Variants in ADAM12 observed in about 807,000 individuals in gnomAD.
ADAM12 encodes ADAM metallopeptidase domain 12, also known as disintegrin and metalloproteinase domain-containing protein 12.
ADAM12 carries 70 observed loss-of-function variants against 106.4 expected under a neutral mutation model. That is an observed-to-expected ratio of 0.66 (90% CI 0.54 to 0.80). The LOEUF is 0.80. Among genes scored for constraint, ADAM12 ranks in the 30% least tolerant of loss-of-function variants. The probability of loss-of-function intolerance (pLI) is 0.00; values close to 1 mark genes in which losing one functional copy is unlikely to be tolerated. For missense variants in ADAM12, 1,010 were observed against 1,171.9 expected, an observed-to-expected ratio of 0.86 and a Z score of 2.02; for synonymous variants, 420 against 433.5, an observed-to-expected ratio of 0.97 and a Z score of 0.39.
At chr10:126,085,858 G>C (rs899526728) in intron 11 of ADAM12, among the ~76,000 whole-genome samples, 2 of 152,194 alleles carry the variant, frequency 1.3e-5, no homozygotes, top group Non-Finnish European at 2.9e-5. Context: ...TGGGGATTCA[G>C]CAATAAACAA....
intron 2 of ADAM12, among the ~76,000 whole-genome samples, chr10:126,285,843 GC>G (rs1236018105): frequency 6.6e-6 from 1 of 152,134 alleles, no homozygotes; most frequent in Non-Finnish European, 1.5e-5. Context: ...CACCTCTAGG[GC>G]CCCCAGGTGC....
At chr10:126,051,434 C>T (rs918547754) in intron 14 of ADAM12, among the ~76,000 whole-genome samples, 1 of 151,942 alleles carries the variant, frequency 6.6e-6, no homozygotes, top group Non-Finnish European at 1.5e-5. Context: ...TCCATCCACT[C>T]GTCCATCCAG....
chr10:126,032,989 A>ACTAAAATTACATTAAAATATTTTT (rs1953996433), intron 21 of ADAM12, among the ~76,000 whole-genome samples: 1 of 152,184 alleles, frequency 6.6e-6, no homozygotes, highest in Admixed American at 6.5e-5. Context: ...AAAAATCATA[A>ACTAAAATTACATTAAAATATTTTT]CTAAAATTAC....
intron 5 of ADAM12, among the ~76,000 whole-genome samples, chr10:126,129,299 A>G (rs1956263324): frequency 6.6e-6 from 1 of 152,254 alleles, no homozygotes; most frequent in Non-Finnish European, 1.5e-5. Flanking sequence ...TTTTCCCTCC[A>G]GGAGCTCATG....
intron 1 of ADAM12, among the ~76,000 whole-genome samples, chr10:126,364,581 T>C (rs1346667774): frequency 1.3e-5 from 2 of 151,938 alleles, no homozygotes; most frequent in African/African-American, 4.8e-5. Flanking sequence ...ACTAGAAAAA[T>C]AACACCTAAA....
intron 11 of ADAM12, among the ~76,000 whole-genome samples, 169 bp downstream of exon 11, chr10:126,093,816 G>A (rs916900198): frequency 6.6e-6 from 1 of 152,218 alleles, no homozygotes; most frequent in African/African-American, 2.4e-5. Context: ...GCTGCCCATG[G>A]CTCTCCAGAG....
chr10:126,326,635 T>G (rs1434803956), intron 2 of ADAM12, among the ~76,000 whole-genome samples: 1 of 152,136 alleles, frequency 6.6e-6, no homozygotes, highest in Non-Finnish European at 1.5e-5. Context: ...GGCCCTACAC[T>G]GCAGTCTGGG....
rs1383308745 is a variant in ADAM12, at chr10:126,015,307, A to T, written c.*1972T>A. 6.6e-6 allele frequency: 1 copy of T among 152,256 alleles called. No individual in the cohort carries two copies. The highest frequency in any genetic ancestry group is 2.4e-5 in the African/African-American group (1 of 41,468). The allele number at this position is 152,256 out of a possible 1,614,324, so 9.4% of individuals were successfully genotyped here. On this transcript the variant is annotated 3_prime_UTR_variant, in exon 23 of 23. Transcript: ENST00000448723. ...TCTTATAATTGGAGGAAGGGCTAAC[A>T]TGCCAGATCTAAGGATTTGGGCATC... is the stretch of plus-strand genomic sequence containing the variant.
At chr10:126,320,382 T>A (rs1268286008) in intron 2 of ADAM12, among the ~76,000 whole-genome samples, 1 of 152,202 alleles carries the variant, frequency 6.6e-6, no homozygotes, top group Non-Finnish European at 1.5e-5. Flanking sequence ...TAGTCAAGCG[T>A]TGTTTTAATA....
rs1023945290 is a variant in ADAM12 at position 126,014,252 on chromosome 10, C to T, written c.*3027G>A. ...CCCTGCCAGTCGGCCCAGCACCAGG[C>T]TCTTTTTAGCACCGTGGAGACCATA... On this transcript the variant is annotated 3_prime_UTR_variant, in exon 23 of 23. Coordinates refer to ENST00000448723, the MANE Select transcript of ADAM12 (RefSeq NM_001288973.2). 6.8e-6 allele frequency: 1 copy of T among 146,186 alleles called. No individual in the cohort carries two copies. Among genetic ancestry groups the T allele is most frequent in the African/African-American group, 2.5e-5 (1 of 39,812 alleles). The allele number at this position is 146,186 out of a possible 1,614,324, so 9.1% of individuals were successfully genotyped here. A position where few individuals can be genotyped will look rare whatever the true frequency, so the allele number is the denominator to read the frequency against.
At chr10:126,305,401 T>C (rs1041915309) in intron 2 of ADAM12, among the ~76,000 whole-genome samples, 13 of 152,170 alleles carry the variant, frequency 8.5e-5, no homozygotes, top group Admixed American at 8.5e-4. Flanking sequence ...TATGAGTTTC[T>C]AGAAGAGAGA....
intron 4 of ADAM12, among the ~76,000 whole-genome samples, chr10:126,138,384 A>T (rs989105501): frequency 2.0e-5 from 3 of 151,112 alleles, no homozygotes; most frequent in Non-Finnish European, 4.4e-5. Flanking sequence ...TTATTTATTT[A>T]TTTTTTTTGA....
chr10:126,177,972 T>A (rs1425494246), intron 3 of ADAM12, among the ~76,000 whole-genome samples: 1 of 152,214 alleles, frequency 6.6e-6, no homozygotes, highest in Non-Finnish European at 1.5e-5. Context: ...TCATTTAACT[T>A]AGTTTATTAA....
intron 3 of ADAM12, among the ~76,000 whole-genome samples, chr10:126,192,062 C>T (rs1246431232): frequency 2.6e-5 from 4 of 152,162 alleles, no homozygotes; most frequent in Non-Finnish European, 5.9e-5. Flanking sequence ...AGTCTGCCCC[C>T]GGCCCCATCC....
At chr10:126,322,000 G>T (rs1246914225) in intron 2 of ADAM12, among the ~76,000 whole-genome samples, 1 of 151,936 alleles carries the variant, frequency 6.6e-6, no homozygotes, top group Non-Finnish European at 1.5e-5. Flanking sequence ...GGAATATCTA[G>T]TCTAGGGGTT....
chr10:126,274,214 T>C (rs1959198249), intron 3 of ADAM12, among the ~76,000 whole-genome samples: 1 of 152,128 alleles, frequency 6.6e-6, no homozygotes, highest in African/African-American at 2.4e-5. Flanking sequence ...GAAAGAAGCA[T>C]CCAATGGTGG....
At chr10:126,238,859 C>A (rs1958469364) in intron 3 of ADAM12, among the ~76,000 whole-genome samples, 1 of 152,230 alleles carries the variant, frequency 6.6e-6, no homozygotes, top group Non-Finnish European at 1.5e-5. Context: ...CCTGAGATTT[C>A]ATGGGCACTC....
chr10:126,341,196 C>T lies in ADAM12; in HGVS notation c.89-10687G>A, dbSNP rs1006139671. Among the ~76,000 whole-genome samples, 6 of 152,328 alleles carry T rather than the reference C, an allele frequency of 3.9e-5. No homozygotes were observed. In the East Asian group the frequency reaches 1.2e-3, roughly 29 times the overall value. ...GGCCCGTCATCCTTTATCCCGCCTA[C>T]AGCCACTATCAGTATCAAATCTTGT... On this transcript the variant is annotated intron_variant, in intron 1 of 22. Transcript: ENST00000448723.
At position 126,296,332 on chromosome 10, in the gene ADAM12, G is replaced by T. The variant is rs117021026; in HGVS notation, c.187-17344C>A. Among the ~76,000 whole-genome samples, 66 of 152,222 alleles carry T rather than the reference G, an allele frequency of 4.3e-4. 1 individual carries two copies. The East Asian group carries it at 0.012, about 29-fold the overall frequency. On this transcript the variant is annotated intron_variant, in intron 2 of 22. Coordinates refer to ENST00000448723, the MANE Select transcript of ADAM12 (RefSeq NM_001288973.2). ...AATTTTTTAGTAGAGACAGGGTCTT[G>T]CTATGTTGTCCAGGCTGCTCTTGAA...
Sources: allele counts gnomAD v4.1 joint callset (sites outside exome capture counted in the v4.1 genomes callset), GRCh38; gene constraint gnomAD v4.1.1; transcripts MANE v1.5; gene names NCBI Gene and HGNC (gene_info 2026-07-23, HGNC 2026-07-21).